Variants in PPP1R1C observed in about 807,000 individuals in gnomAD.
The protein encoded by PPP1R1C is protein phosphatase 1 regulatory inhibitor subunit 1C.
PPP1R1C carries 15 observed loss-of-function variants against 17.4 expected under a neutral mutation model. The observed-to-expected ratio is 0.86, with a 90% CI of 0.58 to 1.33. The LOEUF (loss-of-function observed/expected upper bound fraction) is 1.33, where lower values mean the gene tolerates loss of function less well. PPP1R1C is among the 40% of genes most tolerant of loss of function. The probability of loss-of-function intolerance (pLI) is 0.00; values close to 1 mark genes in which losing one functional copy is unlikely to be tolerated. For missense variants in PPP1R1C, 143 were observed against 130.0 expected (o/e 1.10, Z -0.48); for synonymous variants, 35 against 43.1 (o/e 0.81, Z 0.73).
At chr2:182,004,045 T>G (rs898586851) in intron 2 of PPP1R1C, among the ~76,000 whole-genome samples, 2 of 152,152 alleles carry the variant, frequency 1.3e-5, no homozygotes, top group Non-Finnish European at 2.9e-5. Context: ...GAGCTCTAAT[T>G]GTTAGAAAGG....
chr2:182,106,572 C>T (rs1340785280), intron 4 of PPP1R1C, among the ~76,000 whole-genome samples: 1 of 152,164 alleles, frequency 6.6e-6, no homozygotes, highest in Admixed American at 6.5e-5. Flanking sequence ...CTACCTCCAC[C>T]ACTCAGTAAA....
chr2:182,070,362 A>G (rs1419336949), intron 4 of PPP1R1C, among the ~76,000 whole-genome samples: 4 of 152,238 alleles, frequency 2.6e-5, no homozygotes, highest in Non-Finnish European at 5.9e-5. Context: ...CAAAGACTAA[A>G]TAGGTCTCAT....
At chr2:182,002,932 C>CA (rs1272968467) in intron 2 of PPP1R1C, among the ~76,000 whole-genome samples, 9 of 133,094 alleles carry the variant, frequency 6.8e-5, no homozygotes, top group Non-Finnish European at 1.3e-4. Context: ...CATAAACCTC[C>CA]CCCCCCCCAC....
intron 4 of PPP1R1C, among the ~76,000 whole-genome samples, chr2:182,090,206 C>T (rs1188160882): frequency 2.0e-5 from 3 of 151,830 alleles, no homozygotes; most frequent in South Asian, 2.1e-4. Flanking sequence ...ATTGGGCAGC[C>T]GTTTGGAACT....
chr2:181,956,146 G>A (rs939571138), intron 1 of PPP1R1C, among the ~76,000 whole-genome samples: 1 of 152,280 alleles, frequency 6.6e-6, no homozygotes, highest in South Asian at 2.1e-4. Context: ...AGAACATGTG[G>A]TGTTTGGTTT....
intron 2 of PPP1R1C, among the ~76,000 whole-genome samples, chr2:182,059,146 A>G (rs1364118361): frequency 6.6e-6 from 1 of 152,112 alleles, no homozygotes; most frequent in East Asian, 1.9e-4. Context: ...AATGATGACA[A>G]TATTTCTTAA....
intron 2 of PPP1R1C, among the ~76,000 whole-genome samples, chr2:182,040,153 CTT>C (rs1478528842): frequency 1.3e-5 from 2 of 152,102 alleles, no homozygotes; most frequent in Non-Finnish European, 2.9e-5. Context: ...ACTTCTTTTC[CTT>C]TGGGTAGATA....
At chr2:182,076,135 C>T (rs1182897451) in intron 4 of PPP1R1C, among the ~76,000 whole-genome samples, 1 of 137,708 alleles carries the variant, frequency 7.3e-6, no homozygotes, top group African/African-American at 2.8e-5. Context: ...TCTTTTAGAA[C>T]AGTTCTTAAT....
chr2:182,111,654 G>A (rs955953079), intron 4 of PPP1R1C, among the ~76,000 whole-genome samples: 1 of 151,588 alleles, frequency 6.6e-6, no homozygotes, highest in Non-Finnish European at 1.5e-5. Flanking sequence ...GAGAGATGGT[G>A]GACCTTTACT....
chr2:182,124,314 G>GTTTTTT (rs796745919), intron 5 of PPP1R1C, among the ~76,000 whole-genome samples: 10 of 42,052 alleles, frequency 2.4e-4, no homozygotes, highest in Admixed American at 5.1e-4. Flanking sequence ...GTTTTTTTTT[G>GTTTTTT]TTTTTTTTTT....
chr2:182,104,246 T>C (rs192626655), intron 4 of PPP1R1C, among the ~76,000 whole-genome samples: 8 of 152,326 alleles, frequency 5.3e-5, no homozygotes, highest in African/African-American at 1.9e-4. Context: ...CTATGTAGAA[T>C]AGAAGAGGTG....
At chr2:182,036,530 A>G (rs6732434) in intron 2 of PPP1R1C, among the ~76,000 whole-genome samples, 96,294 of 152,060 alleles carry the variant, frequency 0.63, 31,794 homozygotes, top group Non-Finnish European at 0.74. Flanking sequence ...CTGCATAAAC[A>G]TAATTTTTAG....
intron 4 of PPP1R1C, among the ~76,000 whole-genome samples, chr2:182,097,625 C>T (rs992982637): frequency 6.6e-6 from 1 of 152,134 alleles, no homozygotes; most frequent in African/African-American, 2.4e-5. Flanking sequence ...TCCCATTTAA[C>T]TTGGAATGTA....
chr2:182,054,435 A>G (rs532451386), intron 2 of PPP1R1C, among the ~76,000 whole-genome samples: 3 of 152,204 alleles, frequency 2.0e-5, no homozygotes, highest in South Asian at 2.1e-4. Context: ...CTTTATATTT[A>G]TACTCACTCC....
intron 1 of PPP1R1C, among the ~76,000 whole-genome samples, chr2:181,969,702 GTC>G (rs755374286): frequency 6.6e-6 from 1 of 151,942 alleles, no homozygotes; most frequent in African/African-American, 2.4e-5. Flanking sequence ...TTCTACCCCT[GTC>G]TCTCTCTCTA....
At chr2:182,086,014 GAAATAT>G (rs1688617983) in intron 4 of PPP1R1C, among the ~76,000 whole-genome samples, 1 of 151,930 alleles carries the variant, frequency 6.6e-6, no homozygotes, top group South Asian at 2.1e-4. Flanking sequence ...ATTAGATCTG[GAAATAT>G]AAATATATTT....
intron 4 of PPP1R1C, chr2:182,064,051 T>A (rs1452596113): frequency 4.7e-6 from 2 of 428,052 alleles, no homozygotes. Context: ...GACAAAGATT[T>A]TTTTTTACCG....
Position 181,962,845 on chromosome 2 carries a change from A to G in PPP1R1C, n.111+8211A>G, listed in dbSNP as rs563445552. On this transcript the variant is annotated intron_variant and non_coding_transcript_variant, in intron 1 of 5. Coordinates refer to the PPP1R1C transcript ENST00000464264. The surrounding 1 kb of genome is among the most constrained non-coding windows in gnomAD (Gnocchi z 6.0). The stretch of plus-strand genomic sequence containing the variant: ...GGGACCTTCACATCCACATGAAGAC[A>G]GGGGAAGGAAGGAGAATCACTGATT... Among the ~76,000 whole-genome samples the G allele has an allele frequency of 6.6e-6, 1 of 152,298 alleles. No individual in the cohort carries two copies. The highest frequency in any genetic ancestry group is 2.1e-4 in the South Asian group (1 of 4,826).
At chr2:182,119,207 T>C (rs1196078), downstream of PPP1R1C, among the ~76,000 whole-genome samples, 105,368 of 150,414 alleles carry the variant, frequency 0.7, 37,516 homozygotes, top group African/African-American at 0.83. Context: ...TTTCCAGCTT[T>C]ATCCATGTCC....
Sources: allele counts gnomAD v4.1 joint callset (sites outside exome capture counted in the v4.1 genomes callset), GRCh38; gene constraint gnomAD v4.1.1; non-coding constraint Gnocchi (gnomAD v3.1); transcripts MANE v1.5; gene names NCBI Gene and HGNC (gene_info 2026-07-23, HGNC 2026-07-21).